The following KLF15 variants were observed in gnomAD, a reference collection of about 807,000 sequenced individuals.
The protein encoded by KLF15 is Krueppel-like factor 15.
Under a neutral mutation model 24.6 loss-of-function variants are expected in KLF15, and 4 were observed. The ratio of observed to expected loss-of-function variants is 0.16; its 90% CI spans 0.08 to 0.37. The LOEUF is 0.37. Among genes scored for constraint, KLF15 ranks in the 10% least tolerant of loss-of-function variants. The pLI is 1.00. For missense variants in KLF15, 496 were observed against 560.6 expected, an observed-to-expected ratio of 0.88 and a Z score of 1.16; for synonymous variants, 246 against 236.3, an observed-to-expected ratio of 1.04 and a Z score of -0.37.
chr3:126,298,766 A>G, the KLF15 span, among the ~76,000 whole-genome samples: 1 of 152,188 alleles, frequency 6.6e-6, no homozygotes, highest in African/African-American at 2.4e-5. Context: ...GTTGAAGATC[A>G]GTTGGCTGTA....
In KLF15 at chr3:126,356,606, T is replaced by C. The variant is rs559857053; in HGVS notation, c.-26+631A>G. Among the ~76,000 whole-genome samples the C allele has an allele frequency of 2.3e-3, 350 of 152,180 alleles. No homozygotes were observed. Among genetic ancestry groups the C allele is most frequent in the African/African-American group, 7.9e-3 (328 of 41,536 alleles). On this transcript the variant is annotated intron_variant, in intron 1 of 2. Transcript: ENST00000296233. This position sits in a 1 kb window ranked among gnomAD's most constrained non-coding sequence, Gnocchi z 4.4. ...GGGGTGTGAGTTCCTGTCGTGTGAC[T>C]GCGTGTGCGGGGCGTGGTGCGCGGC...
At chr3:126,313,558 G>T in the KLF15 span, among the ~76,000 whole-genome samples, 1 of 152,148 alleles carries the variant, frequency 6.6e-6, no homozygotes, top group Admixed American at 6.5e-5. Flanking sequence ...CTGGGCCCTG[G>T]CCCTGGCATC....
chr3:126,351,497 G>T (rs1419002563), intron 2 of KLF15, among the ~76,000 whole-genome samples: 2 of 152,214 alleles, frequency 1.3e-5, no homozygotes, highest in Non-Finnish European at 2.9e-5. Flanking sequence ...GGGCCCAAAG[G>T]GAGCCGCTGC....
downstream of KLF15, among the ~76,000 whole-genome samples, chr3:126,338,408 G>T (rs1053810977): frequency 6.6e-6 from 1 of 152,198 alleles, no homozygotes; most frequent in African/African-American, 2.4e-5. Context: ...CTCTGTCAAG[G>T]TGACGTTCGT....
At chr3:126,345,528 C>T (rs1031388703) in intron 2 of KLF15, among the ~76,000 whole-genome samples, 63 of 150,638 alleles carry the variant, frequency 4.2e-4, no homozygotes, top group African/African-American at 1.2e-3. Context: ...CAAACATACA[C>T]GGACGAATAT....
At chr3:126,307,343 G>T in the KLF15 span, among the ~76,000 whole-genome samples, 224 of 152,312 alleles carry the variant, frequency 1.5e-3, no homozygotes, top group African/African-American at 5.0e-3. Flanking sequence ...CCATCCAGCG[G>T]GCTCACAGGG....
chr3:126,312,231 A>G, the KLF15 span, among the ~76,000 whole-genome samples: 1 of 152,208 alleles, frequency 6.6e-6, no homozygotes, highest in African/African-American at 2.4e-5. Context: ...ACACTGGAGT[A>G]GAGTGATGCA....
At chr3:126,299,204 A>ATGT in the KLF15 span, among the ~76,000 whole-genome samples, 66 of 146,684 alleles carry the variant, frequency 4.5e-4, no homozygotes, top group African/African-American at 1.6e-3. Context: ...GTATATTCCT[A>ATGT]AGTATGTATG....
At chr3:126,315,454 G>A in the KLF15 span, among the ~76,000 whole-genome samples, 2 of 152,218 alleles carry the variant, frequency 1.3e-5, no homozygotes, top group Non-Finnish European at 2.9e-5. Flanking sequence ...CCCAGATGGG[G>A]GAGGGGCGGG....
downstream of KLF15, among the ~76,000 whole-genome samples, chr3:126,339,894 C>T (rs2082467656): frequency 2.0e-5 from 3 of 152,202 alleles, no homozygotes. Flanking sequence ...CCTTGGTTTC[C>T]CAACCAAGGC....
the KLF15 span, among the ~76,000 whole-genome samples, chr3:126,305,622 C>A: frequency 2.0e-5 from 1 of 51,272 alleles, no homozygotes; most frequent in African/African-American, 8.4e-5. Flanking sequence ...GCTATCTGGT[C>A]ACACTTACTG....
intron 2 of KLF15, among the ~76,000 whole-genome samples, chr3:126,346,979 G>T (rs1489607489): frequency 1.3e-5 from 2 of 152,202 alleles, no homozygotes; most frequent in African/African-American, 4.8e-5. Context: ...ACGGTTTAGA[G>T]CCCTGCTTAG....
the KLF15 span, among the ~76,000 whole-genome samples, chr3:126,324,863 G>T: frequency 7.4e-3 from 711 of 96,610 alleles, 16 homozygotes; most frequent in African/African-American, 0.03. Context: ...CATTGTGCAG[G>T]TTAGTTACAT....
the KLF15 span, among the ~76,000 whole-genome samples, chr3:126,303,971 GC>G: frequency 6.6e-6 from 1 of 151,966 alleles, no homozygotes; most frequent in Non-Finnish European, 1.5e-5. Context: ...CTCTACTTGA[GC>G]TTTTATACAT....
Position 126,352,533 on chromosome 3 carries a change from A to G in KLF15, c.390T>C (p.Pro130=), listed in dbSNP as rs764699573. The change falls in exon 2 of 3, where the codon CCT becomes CCC. Residue 130 remains proline, a synonymous_variant. Transcript: ENST00000296233. ...FCLPEFPLGD[P]DDVPRPFQPT... Reference sequence around the variant, plus strand: ...GCTGGAAGGGCCGTGGGACGTCATCAGGATCACCCAAAGGAAACTCGGGCA... The same window carrying G: ...GCTGGAAGGGCCGTGGGACGTCATCGGGATCACCCAAAGGAAACTCGGGCA... 9.9e-6 allele frequency: 16 copies of G among 1,613,050 alleles called. No individual in the cohort carries two copies. In the East Asian group the frequency reaches 3.6e-4, roughly 36 times the overall value.
chr3:126,327,772 G>T, the KLF15 span, among the ~76,000 whole-genome samples: 2 of 152,162 alleles, frequency 1.3e-5, no homozygotes, highest in Non-Finnish European at 2.9e-5. Context: ...AAATGAAAGA[G>T]CTAGTTTCTG....
chr3:126,343,009 C>A lies in KLF15; in HGVS notation c.*718G>T, dbSNP rs1216043349. ...TGGTGTCTGGATTTGTCTGGGAAAC[C>A]GGAGGAGGGGACGAGCCCCTGGGTA... is the stretch of plus-strand genomic sequence containing the variant. On this transcript the variant is annotated 3_prime_UTR_variant, in exon 3 of 3. Transcript: ENST00000296233. The A allele has an allele frequency of 2.6e-5, 4 of 152,166 alleles. No homozygotes were observed. The highest frequency in any genetic ancestry group is 1.3e-4 in the Admixed American group (2 of 15,244). The allele number at this position is 152,166 out of a possible 1,614,324, so 9.4% of individuals were successfully genotyped here. A position where few individuals can be genotyped will look rare whatever the true frequency, so the allele number is the denominator to read the frequency against.
At chr3:126,339,447 G>A (rs139404746), downstream of KLF15, among the ~76,000 whole-genome samples, 108 of 152,224 alleles carry the variant, frequency 7.1e-4, 1 homozygote, top group African/African-American at 2.4e-3. Context: ...GTGCCCTCCC[G>A]GCCCCCCAGG....
At chr3:126,341,098 C>G (rs1253809554), downstream of KLF15, among the ~76,000 whole-genome samples, 1 of 152,198 alleles carries the variant, frequency 6.6e-6, no homozygotes, top group Non-Finnish European at 1.5e-5. Context: ...CCCATTATCC[C>G]TGTTCCCTGC....
Sources: gnomAD v4.1 joint callset for allele counts (sites outside exome capture counted in the v4.1 genomes callset) on GRCh38, gnomAD v4.1.1 for gene constraint, Gnocchi (gnomAD v3.1) non-coding constraint, MANE v1.5 for transcripts, NCBI Gene and HGNC (gene_info 2026-07-23, HGNC 2026-07-21) for gene names.